The following SPOCK3 variants were observed in gnomAD, a reference collection of about 807,000 sequenced individuals.
The protein encoded by SPOCK3 is testican-3.
Under a neutral mutation model 56.6 loss-of-function variants are expected in SPOCK3, and 30 were observed. That is an observed-to-expected ratio of 0.53 (90% CI 0.40 to 0.72). SPOCK3 has a LOEUF of 0.72. Ranked by LOEUF, SPOCK3 falls within the 30% of genes least tolerant of loss-of-function variation. SPOCK3 has a pLI of 0.00. For missense variants in SPOCK3, 527 were observed against 530.0 expected (o/e 0.99, Z 0.06); for synonymous variants, 196 against 183.3 (o/e 1.07, Z -0.56).
chr4:166,865,202 G>A (rs1170346940), intron 6 of SPOCK3, among the ~76,000 whole-genome samples: 3 of 152,120 alleles, frequency 2.0e-5, no homozygotes, highest in Admixed American at 6.6e-5. Context: ...CTCAATAGAT[G>A]CAGAAAAGGC....
chr4:166,778,650 G>T (rs374778560), intron 7 of SPOCK3, among the ~76,000 whole-genome samples: 8 of 151,936 alleles, frequency 5.3e-5, no homozygotes, highest in East Asian at 1.9e-4. Context: ...ATTATTTTAG[G>T]TTCCACTTTC....
At chr4:167,166,302 A>G (rs892930095) in intron 2 of SPOCK3, among the ~76,000 whole-genome samples, 1 of 152,158 alleles carries the variant, frequency 6.6e-6, no homozygotes, top group Non-Finnish European at 1.5e-5. Flanking sequence ...AAATTAAAAC[A>G]TAACTGAATG....
intron 2 of SPOCK3, among the ~76,000 whole-genome samples, chr4:167,222,973 T>G (rs1387235501): frequency 7.9e-6 from 1 of 125,886 alleles, no homozygotes; most frequent in African/African-American, 3.2e-5. Flanking sequence ...ATATTTTATA[T>G]GAATATATAT....
At chr4:166,929,671 T>G (rs1739508629) in intron 4 of SPOCK3, among the ~76,000 whole-genome samples, 1 of 152,168 alleles carries the variant, frequency 6.6e-6, no homozygotes, top group African/African-American at 2.4e-5. Flanking sequence ...TGAGTGCTTT[T>G]GGGAGGTGTT....
At chr4:167,220,221 C>T (rs1480859329) in intron 2 of SPOCK3, among the ~76,000 whole-genome samples, 3 of 151,974 alleles carry the variant, frequency 2.0e-5, no homozygotes, top group Non-Finnish European at 2.9e-5. Flanking sequence ...TTCCATTTTA[C>T]ATAATTTGAT....
At chr4:166,953,490 CT>C (rs1742964381) in intron 4 of SPOCK3, among the ~76,000 whole-genome samples, 1 of 151,506 alleles carries the variant, frequency 6.6e-6, no homozygotes. Context: ...GTTGGTGGGA[CT>C]GTAAACTAGT....
Position 167,029,846 on chromosome 4 carries a change from T to A in SPOCK3, c.236-29383A>T, listed in dbSNP as rs568620923. Among the ~76,000 whole-genome samples the A allele has an allele frequency of 1.5e-3, 232 of 152,210 alleles. 4 individuals carry two copies. The highest frequency in any genetic ancestry group is 0.014 in the Middle Eastern group (4 of 294). ...ATTACATTTTTAAATGTTTTCATGTTATTTCCATTTTCACTTAATATTAAC... is the reference window on the plus strand; with the variant it reads ...ATTACATTTTTAAATGTTTTCATGTAATTTCCATTTTCACTTAATATTAAC... On this transcript the variant is annotated intron_variant, in intron 3 of 10. Transcript: ENST00000357545.
chr4:167,008,115 G>A (rs1041393721), intron 3 of SPOCK3, among the ~76,000 whole-genome samples: 1 of 151,952 alleles, frequency 6.6e-6, no homozygotes, highest in Non-Finnish European at 1.5e-5. Context: ...TATTTCTTGA[G>A]CTTGAGCAGT....
intron 3 of SPOCK3, among the ~76,000 whole-genome samples, chr4:167,034,374 T>C (rs1752542855): frequency 6.6e-6 from 1 of 151,922 alleles, no homozygotes; most frequent in African/African-American, 2.4e-5. Flanking sequence ...ATCCTGGGTA[T>C]GGGAGAGACT....
At chr4:167,214,985 T>C (rs866907947) in intron 2 of SPOCK3, among the ~76,000 whole-genome samples, 45 of 150,780 alleles carry the variant, frequency 3.0e-4, no homozygotes, top group African/African-American at 1.0e-3. Flanking sequence ...ATTTACTGTA[T>C]ATATATTTAC....
At chr4:167,148,531 C>T (rs1042298848) in intron 2 of SPOCK3, among the ~76,000 whole-genome samples, 42 of 152,032 alleles carry the variant, frequency 2.8e-4, no homozygotes, top group African/African-American at 7.7e-4. Flanking sequence ...GTTTAGTCAT[C>T]ATTAAAAGGA....
intron 6 of SPOCK3, among the ~76,000 whole-genome samples, chr4:166,794,674 C>T (rs1427917440): frequency 1.5e-5 from 2 of 131,386 alleles, no homozygotes; most frequent in African/African-American, 2.9e-5. Flanking sequence ...CAGAGTTTCG[C>T]TCTTGTTGCC....
At chr4:166,802,749 T>G (rs1742748329) in intron 6 of SPOCK3, among the ~76,000 whole-genome samples, 1 of 152,010 alleles carries the variant, frequency 6.6e-6, no homozygotes, top group South Asian at 2.1e-4. Context: ...GAACTGAAAA[T>G]CTAAAGCAGG....
chr4:167,207,384 G>C (rs1734451120), intron 2 of SPOCK3, among the ~76,000 whole-genome samples: 2 of 151,576 alleles, frequency 1.3e-5, no homozygotes, highest in African/African-American at 4.8e-5. Flanking sequence ...TATATTAACA[G>C]AATACTGTCT....
intron 4 of SPOCK3, among the ~76,000 whole-genome samples, chr4:166,967,837 C>T (rs968350164): frequency 6.6e-6 from 1 of 152,094 alleles, no homozygotes; most frequent in Non-Finnish European, 1.5e-5. Context: ...CAAAAAAAGA[C>T]AGAAAGGTGA....
intron 3 of SPOCK3, among the ~76,000 whole-genome samples, chr4:167,056,848 T>G (rs1479323694): frequency 2.0e-5 from 3 of 152,152 alleles, no homozygotes; most frequent in Non-Finnish European, 4.4e-5. Context: ...TAGAACCAAG[T>G]TGGAAAACAC....
intron 2 of SPOCK3, among the ~76,000 whole-genome samples, chr4:167,139,869 G>C (rs1000373566): frequency 4.0e-5 from 6 of 151,684 alleles, no homozygotes; most frequent in Non-Finnish European, 7.4e-5. Context: ...TTTACAAAAG[G>C]CTCTGTGACT....
chr4:166,964,896 T>C (rs1284527458), intron 4 of SPOCK3, among the ~76,000 whole-genome samples: 1 of 151,904 alleles, frequency 6.6e-6, no homozygotes, highest in Non-Finnish European at 1.5e-5. Flanking sequence ...TGAATGCTAT[T>C]ATTTTGTGAC....
chr4:167,229,560 C>A (rs1364283846), intron 2 of SPOCK3, among the ~76,000 whole-genome samples: 1 of 152,034 alleles, frequency 6.6e-6, no homozygotes, highest in Non-Finnish European at 1.5e-5. Flanking sequence ...ACACCATCAT[C>A]CATTATCTCT....
Sources: gnomAD v4.1 joint callset for allele counts (sites outside exome capture counted in the v4.1 genomes callset) on GRCh38, gnomAD v4.1.1 for gene constraint, MANE v1.5 for transcripts, NCBI Gene and HGNC (gene_info 2026-07-23, HGNC 2026-07-21) for gene names.